The following ELAVL1 variants were observed in gnomAD, a reference collection of about 807,000 sequenced individuals.
ELAVL1 encodes the protein ELAV-like protein 1.
In ELAVL1, 1 loss-of-function variant was observed where a neutral mutation model predicts 28.4. The ratio of observed to expected loss-of-function variants is 0.04; its 90% CI spans 0.01 to 0.17. ELAVL1 has a LOEUF of 0.17. Ranked by LOEUF, ELAVL1 falls within the 10% of genes least tolerant of loss-of-function variation. The probability of loss-of-function intolerance (pLI) is 1.00; values close to 1 mark genes in which losing one functional copy is unlikely to be tolerated. For synonymous variants in ELAVL1, 174 were observed against 183.5 expected, an observed-to-expected ratio of 0.95 and a Z score of 0.42; for missense variants, 157 against 447.2, an observed-to-expected ratio of 0.35 and a Z score of 5.85.
chr19:7,992,554 A>G (rs1376030129), intron 1 of ELAVL1, among the ~76,000 whole-genome samples: 1 of 152,202 alleles, frequency 6.6e-6, no homozygotes, highest in African/African-American at 2.4e-5. Context: ...CTACAGAGAA[A>G]AAGATCAATG....
chr19:7,970,587 T>G (rs757591164), intron 4 of ELAVL1, among the ~76,000 whole-genome samples: 2 of 150,570 alleles, frequency 1.3e-5, no homozygotes, highest in Non-Finnish European at 3.0e-5. Context: ...GGCCCCCTTG[T>G]GTTTTTTAGA....
chr19:7,983,390 C>T (rs1355374232), intron 2 of ELAVL1, among the ~76,000 whole-genome samples: 2 of 152,188 alleles, frequency 1.3e-5, no homozygotes, highest in East Asian at 3.9e-4. Flanking sequence ...GGCAGGTGTC[C>T]CTGCACCCCC....
In ELAVL1 at chr19:7,981,891, T is replaced by C. The variant is rs1274159290; in HGVS notation, c.173-705A>G. Among the ~76,000 whole-genome samples, 1 of 152,136 alleles carries C rather than the reference T, an allele frequency of 6.6e-6. No homozygotes were observed. Among genetic ancestry groups the C allele is most frequent in the Non-Finnish European group, 1.5e-5 (1 of 68,022 alleles). On this transcript the variant is annotated intron_variant, in intron 2 of 5. Coordinates refer to ENST00000407627, the MANE Select transcript of ELAVL1 (RefSeq NM_001419.3). The surrounding 1 kb of genome is among the most constrained non-coding windows in gnomAD (Gnocchi z 4.2). ...CTGCTGTTTCTCTGCCACTTCCTTG[T>C]CCAGAGCAGGAGGGCCTGCTGGCAC... is the stretch of plus-strand genomic sequence containing the variant.
intron 2 of ELAVL1, 58 bp downstream of exon 2, chr19:7,991,586 C>T (rs1985753713): frequency 6.5e-7 from 1 of 1,535,930 alleles, no homozygotes; most frequent in Non-Finnish European, 8.9e-7. Flanking sequence ...GCAAAGGAGA[C>T]AGTGCCCAAA....
In ELAVL1 at chr19:7,963,720, G is replaced by A. The variant is rs1984872519; in HGVS notation, c.744C>T (p.Ile248=). 6.2e-7 allele frequency: 1 copy of A among 1,614,284 alleles called. No homozygotes were observed. The highest frequency in any genetic ancestry group is 8.5e-7 in the Non-Finnish European group (1 of 1,180,046). The part of the protein sequence containing the change: ...GNASSGWCIF[I]YNLGQDADEG... ...CGTCGGCATCCTGCCCCAGGTTGTA[G>A]ATGAAAATGCACCAGCCGGAGGAGG... The change falls in exon 6 of 6, where the codon ATC becomes ATT. Residue 248 remains isoleucine, a synonymous_variant. Coordinates refer to ENST00000407627, the MANE Select transcript of ELAVL1 (RefSeq NM_001419.3). This position sits in a 1 kb window ranked among gnomAD's most constrained non-coding sequence, Gnocchi z 4.5.
intron 2 of ELAVL1, among the ~76,000 whole-genome samples, chr19:7,987,189 C>A (rs2145218849): frequency 6.6e-6 from 1 of 151,806 alleles, no homozygotes; most frequent in East Asian, 1.9e-4. Context: ...TCTTGGGACA[C>A]CCCCTCCTCC....
Position 7,963,820 on chromosome 19 carries a change from G to A in ELAVL1, c.657-13C>T, listed in dbSNP as rs1350511444. ...CATGGGGGAGAACCTGGCAGACAGA[G>A]AGCAAGCGTCAGGCCACGGTCAGCG... On this transcript the variant is annotated splice_polypyrimidine_tract_variant and intron_variant, in intron 5 of 5. Coordinates refer to ENST00000407627, the MANE Select transcript of ELAVL1 (RefSeq NM_001419.3). The surrounding 1 kb of genome is among the most constrained non-coding windows in gnomAD (Gnocchi z 4.5). The A allele has an allele frequency of 3.1e-6, 5 of 1,610,872 alleles. No individual in the cohort carries two copies. In the African/African-American group the frequency reaches 5.3e-5, roughly 17 times the overall value.
In ELAVL1 at chr19:7,982,812, G is replaced by C. The variant is rs114071257; in HGVS notation, c.173-1626C>G. Reference sequence around the variant, plus strand: ...CGACTATGACAGTTTCTTGTTTCTCGTGACTGTGACGGTTTTGAGGACTGG... The same window carrying C: ...CGACTATGACAGTTTCTTGTTTCTCCTGACTGTGACGGTTTTGAGGACTGG... On this transcript the variant is annotated intron_variant, in intron 2 of 5. Transcript: ENST00000407627. The surrounding 1 kb of genome is among the most constrained non-coding windows in gnomAD (Gnocchi z 4.3). 6.6e-6 allele frequency among the ~76,000 whole-genome samples: 1 copy of C among 152,136 alleles called. No homozygotes were observed. The highest frequency in any genetic ancestry group is 2.4e-5 in the African/African-American group (1 of 41,418).
At chr19:7,977,522 G>C (rs1399613358) in intron 3 of ELAVL1, among the ~76,000 whole-genome samples, 1 of 150,756 alleles carries the variant, frequency 6.6e-6, no homozygotes, top group Non-Finnish European at 1.5e-5. Context: ...ATGAAGAGCT[G>C]CACACAGAGA....
At chr19:7,967,426 T>G in intron 5 of ELAVL1, 139 bp downstream of exon 5, 1 of 924,484 alleles carries the variant, frequency 1.1e-6, no homozygotes, top group African/African-American at 1.7e-5. Context: ...GGTTGTGGTG[T>G]GGAGCTGCAG....
At chr19:7,988,016 T>C (rs1004126922) in intron 2 of ELAVL1, among the ~76,000 whole-genome samples, 5 of 151,906 alleles carry the variant, frequency 3.3e-5, no homozygotes, top group East Asian at 1.9e-4. Flanking sequence ...TCAGGGAGCA[T>C]AGGAGGCCAG....
At chr19:8,000,717 C>T (rs948719799) in intron 1 of ELAVL1, among the ~76,000 whole-genome samples, 1 of 152,376 alleles carries the variant, frequency 6.6e-6, no homozygotes, top group South Asian at 2.1e-4. Flanking sequence ...CTCAGGTGGA[C>T]ATGGCACCAG....
At chr19:8,001,578 T>C (rs1189618954) in intron 1 of ELAVL1, among the ~76,000 whole-genome samples, 3 of 152,170 alleles carry the variant, frequency 2.0e-5, no homozygotes, top group African/African-American at 7.2e-5. Context: ...CTGTTCAGGA[T>C]TGTTCCCTCT....
At chr19:7,994,032 T>C (rs1599678703) in intron 1 of ELAVL1, among the ~76,000 whole-genome samples, 1 of 152,208 alleles carries the variant, frequency 6.6e-6, no homozygotes, top group Non-Finnish European at 1.5e-5. Flanking sequence ...GAGGATGTCC[T>C]ATGCTCCCTG....
intron 1 of ELAVL1, among the ~76,000 whole-genome samples, chr19:7,992,740 G>T (rs150006325): frequency 1.3e-5 from 2 of 152,136 alleles, no homozygotes; most frequent in Non-Finnish European, 2.9e-5. Context: ...TCTGAATTAC[G>T]TGCTTTAGTT....
chr19:7,974,118 C>A (rs1167978823), intron 3 of ELAVL1, among the ~76,000 whole-genome samples: 1 of 152,244 alleles, frequency 6.6e-6, no homozygotes, highest in Non-Finnish European at 1.5e-5. Flanking sequence ...CTCAAGGAGG[C>A]AGGCGTGACT....
At position 7,961,847 on chromosome 19, in the gene ELAVL1, A is replaced by G. The variant is rs1410843104; in HGVS notation, c.*1636T>C. 1.3e-5 allele frequency: 2 copies of G among 152,214 alleles called. No homozygotes were observed. The highest frequency in any genetic ancestry group is 4.8e-5 in the African/African-American group (2 of 41,434). 9.4% of individuals were successfully genotyped at this position (152,214 alleles called of 1,614,324 possible). A position where few individuals can be genotyped will look rare whatever the true frequency, so the allele number is the denominator to read the frequency against. On this transcript the variant is annotated 3_prime_UTR_variant, in exon 6 of 6. Coordinates refer to ENST00000407627, the MANE Select transcript of ELAVL1 (RefSeq NM_001419.3). ...CTCAATTTCACACTTCAATAAATAA[A>G]TACATAAATAGGTATAAATAAACAG...
intron 3 of ELAVL1, among the ~76,000 whole-genome samples, chr19:7,974,846 C>A (rs1019621656): frequency 3.9e-5 from 6 of 152,202 alleles, no homozygotes; most frequent in African/African-American, 1.4e-4. Flanking sequence ...AATCTGCGTG[C>A]TGAGAACACA....
chr19:7,991,425 CTCTG>C (rs1216121881), intron 2 of ELAVL1, among the ~76,000 whole-genome samples: 1 of 152,226 alleles, frequency 6.6e-6, no homozygotes, highest in Non-Finnish European at 1.5e-5. Flanking sequence ...TGTACATGCT[CTCTG>C]TCTTACAATG....
Sources: allele counts gnomAD v4.1 joint callset (sites outside exome capture counted in the v4.1 genomes callset), GRCh38; gene constraint gnomAD v4.1.1; non-coding constraint Gnocchi (gnomAD v3.1); transcripts MANE v1.5; gene names NCBI Gene and HGNC (gene_info 2026-07-23, HGNC 2026-07-21).